NLRP5: variants seen among roughly 807,000 people sequenced by gnomAD.
NLRP5 encodes NACHT, LRR and PYD domains-containing protein 5.
In NLRP5, 93 loss-of-function variants were observed where a neutral mutation model predicts 113.1. That is an observed-to-expected ratio of 0.82 (90% confidence interval 0.70 to 0.98). The LOEUF is 0.98. Among genes scored for constraint, NLRP5 ranks in the 50% least tolerant of loss-of-function variants. NLRP5 has a pLI of 0.00. For synonymous variants in NLRP5, 751 were observed against 600.7 expected, an observed-to-expected ratio of 1.25 and a Z score of -3.66; for missense variants, 1,808 against 1,514.3, an observed-to-expected ratio of 1.19 and a Z score of -3.22.
chr19:56,015,041 C>T (rs535651042), intron 3 of NLRP5, among the ~76,000 whole-genome samples: 92 of 152,304 alleles, frequency 6.0e-4, no homozygotes, highest in African/African-American at 2.1e-3. Flanking sequence ...CCCATGGACA[C>T]AAGGTGGTCT....
intron 14 of NLRP5, among the ~76,000 whole-genome samples, chr19:56,060,920 G>A (rs1482311049): frequency 6.6e-6 from 1 of 152,082 alleles, no homozygotes; most frequent in Non-Finnish European, 1.5e-5. Context: ...TGGCTTCAAG[G>A]CAGCATTATT....
chr19:56,026,837 C>A (rs3103612), intron 6 of NLRP5, 76 bp from the exon 7 acceptor site: 1,310,356 of 1,456,368 alleles, frequency 0.9, 590,624 homozygotes, highest in Non-Finnish European at 0.91. Context: ...TGACCTCCCA[C>A]AGTGCTGGGA....
intron 9 of NLRP5, among the ~76,000 whole-genome samples, chr19:56,035,082 G>T (rs866222044): frequency 1.3e-5 from 2 of 152,114 alleles, no homozygotes. Flanking sequence ...GGGATTACAG[G>T]CACCCGCCAC....
chr19:56,009,289 G>A (rs61274775), intron 3 of NLRP5, among the ~76,000 whole-genome samples: 47,723 of 133,864 alleles, frequency 0.36, 8,094 homozygotes, highest in Admixed American at 0.44. Context: ...GCAGTGAGCC[G>A]AGATCACACC....
chr19:56,033,877 A>G (rs1983215178), intron 9 of NLRP5, among the ~76,000 whole-genome samples, 168 bp downstream of exon 9: 1 of 152,228 alleles, frequency 6.6e-6, no homozygotes, highest in South Asian at 2.1e-4. Flanking sequence ...ACACCTAAAT[A>G]GTTAAAATAG....
At chr19:56,014,035 T>C (rs1324133252) in intron 3 of NLRP5, among the ~76,000 whole-genome samples, 1 of 152,204 alleles carries the variant, frequency 6.6e-6, no homozygotes, top group East Asian at 1.9e-4. Flanking sequence ...ATCATCTAGA[T>C]TATGTAGAGA....
chr19:56,016,246 C>T lies in NLRP5; in HGVS notation c.565+448C>T, dbSNP rs1213362671. On this transcript the variant is annotated intron_variant, in intron 4 of 14. Transcript: ENST00000390649. The stretch of plus-strand genomic sequence containing the variant: ...TCAGCTCACTGCCAGCTCCGCCTCC[C>T]GGGTTCAAGCGATTATTCTGCCTCA... Among the ~76,000 whole-genome samples the T allele has an allele frequency of 2.6e-5, 4 of 151,716 alleles. No homozygotes were observed. The East Asian group carries it at 5.8e-4, about 22-fold the overall frequency.
At chr19:56,035,085 C>T (rs1983263229) in intron 9 of NLRP5, among the ~76,000 whole-genome samples, 1 of 152,072 alleles carries the variant, frequency 6.6e-6, no homozygotes, top group African/African-American at 2.4e-5. Flanking sequence ...ATTACAGGCA[C>T]CCGCCACCAT....
chr19:55,999,635 G>A (rs199475760), upstream of NLRP5: 56 of 976,020 alleles, frequency 5.7e-5, 1 homozygote, highest in East Asian at 1.1e-3. Context: ...AAACCTCACA[G>A]TAACCCTTGA....
chr19:56,048,536 A>ACTG (rs1983808774), intron 11 of NLRP5, among the ~76,000 whole-genome samples: 2 of 151,720 alleles, frequency 1.3e-5, no homozygotes, highest in South Asian at 4.2e-4. Flanking sequence ...TTCAAGGAAC[A>ACTG]AACAAGGGCC....
intron 7 of NLRP5, among the ~76,000 whole-genome samples, chr19:56,031,813 C>T (rs1983127170): frequency 6.6e-6 from 1 of 152,076 alleles, no homozygotes; most frequent in Non-Finnish European, 1.5e-5. Context: ...TTTGTTCATC[C>T]ATGGATGGAC....
chr19:56,038,535 T>A (rs1213461028), intron 10 of NLRP5, among the ~76,000 whole-genome samples: 1 of 152,174 alleles, frequency 6.6e-6, no homozygotes, highest in Non-Finnish European at 1.5e-5. Context: ...GCCCCACCAC[T>A]GGAGAGGTAT....
intron 9 of NLRP5, among the ~76,000 whole-genome samples, chr19:56,036,086 CAG>C (rs1202708651): frequency 2.7e-5 from 2 of 74,334 alleles, no homozygotes; most frequent in African/African-American, 1.5e-4. Context: ...TTTTTGGAGA[CAG>C]AGTCTTGCTC....
chr19:55,998,083 A>AG (rs529119977), upstream of NLRP5, among the ~76,000 whole-genome samples: 558 of 152,316 alleles, frequency 3.7e-3, 8 homozygotes, highest in Admixed American at 0.012. Context: ...CTTTTCCTGG[A>AG]GGGTAGGTAG....
In NLRP5 at chr19:56,055,792, G is replaced by T. The variant is rs573013550; in HGVS notation, c.3299+1984G>T. The stretch of plus-strand genomic sequence containing the variant: ...AATCTCCTGACCTCATGATCTGCCC[G>T]CCTTGGCCTCCCAAAGTGCTGGGAT... On this transcript the variant is annotated intron_variant, in intron 13 of 14. Coordinates refer to ENST00000390649, the MANE Select transcript of NLRP5 (RefSeq NM_153447.4). 2.6e-5 allele frequency among the ~76,000 whole-genome samples: 4 copies of T among 151,852 alleles called. No homozygotes were observed. In the East Asian group the frequency reaches 7.8e-4, roughly 29 times the overall value.
chr19:56,043,267 T>C (rs1983586377), intron 11 of NLRP5, among the ~76,000 whole-genome samples: 1 of 152,180 alleles, frequency 6.6e-6, no homozygotes, highest in African/African-American at 2.4e-5. Context: ...CCCCAGCATC[T>C]ACTGTTTTTT....
At chr19:56,031,563 A>G (rs557212432) in intron 7 of NLRP5, among the ~76,000 whole-genome samples, 39 of 150,586 alleles carry the variant, frequency 2.6e-4, no homozygotes, top group Non-Finnish European at 4.1e-4. Context: ...TTTGGGAGGC[A>G]GAGGTTGCAG....
chr19:56,049,880 G>GT (rs1267311443), intron 11 of NLRP5, among the ~76,000 whole-genome samples: 2 of 152,034 alleles, frequency 1.3e-5, no homozygotes, highest in African/African-American at 2.4e-5. Flanking sequence ...TCCATTGCTG[G>GT]TGAACTAGTG....
chr19:55,987,194 T>C, the NLRP5 span, among the ~76,000 whole-genome samples: 1 of 151,830 alleles, frequency 6.6e-6, no homozygotes, highest in African/African-American at 2.4e-5. Context: ...CATGGTGAAA[T>C]CCTCATCTCT....
Sources: gnomAD v4.1 joint callset for allele counts (sites outside exome capture counted in the v4.1 genomes callset) on GRCh38, gnomAD v4.1.1 for gene constraint, MANE v1.5 for transcripts, NCBI Gene and HGNC (gene_info 2026-07-23, HGNC 2026-07-21) for gene names.